Variants in EPS15L1 observed in about 807,000 individuals in gnomAD.
EPS15L1 encodes the protein epidermal growth factor receptor substrate 15-like 1.
Under a neutral mutation model 117.1 loss-of-function variants are expected in EPS15L1, and 43 were observed. The ratio of observed to expected loss-of-function variants is 0.37; its 90% CI spans 0.29 to 0.47. The LOEUF is 0.47. Ranked by LOEUF, EPS15L1 falls within the 20% of genes least tolerant of loss-of-function variation. The probability of loss-of-function intolerance (pLI) is 0.99; values close to 1 mark genes in which losing one functional copy is unlikely to be tolerated. For synonymous variants in EPS15L1, 459 were observed against 470.5 expected (o/e 0.98, Z 0.32); for missense variants, 981 against 1,164.0 (o/e 0.84, Z 2.29).
At chr19:16,464,881 C>A (rs138498967) in intron 1 of EPS15L1, among the ~76,000 whole-genome samples, 8 of 151,316 alleles carry the variant, frequency 5.3e-5, no homozygotes, top group African/African-American at 1.7e-4. Context: ...CAGATCGAGA[C>A]CATCCTGCCT....
chr19:16,367,281 GAAATT>G (rs1346357241), intron 22 of EPS15L1, among the ~76,000 whole-genome samples: 13 of 151,570 alleles, frequency 8.6e-5, no homozygotes, highest in Non-Finnish European at 1.9e-4. Flanking sequence ...AAAGACAAAT[GAAATT>G]AAAGACCCTC....
chr19:16,452,247 A>AC (rs1568463237), intron 1 of EPS15L1, among the ~76,000 whole-genome samples: 1 of 151,868 alleles, frequency 6.6e-6, no homozygotes, highest in African/African-American at 2.4e-5. Context: ...GGAGTTCTAA[A>AC]CCAGCCTGGC....
intron 13 of EPS15L1, among the ~76,000 whole-genome samples, chr19:16,406,834 T>C (rs2092661464): frequency 6.6e-6 from 1 of 152,376 alleles, no homozygotes; most frequent in South Asian, 2.1e-4. Flanking sequence ...GTGTACTGAA[T>C]GTCTGTTGTT....
At chr19:16,416,554 T>C (rs2092759783) in intron 12 of EPS15L1, among the ~76,000 whole-genome samples, 1 of 151,738 alleles carries the variant, frequency 6.6e-6, no homozygotes, top group African/African-American at 2.4e-5. Flanking sequence ...GGAAGATCAC[T>C]TGAGCCCAGG....
intron 20 of EPS15L1, among the ~76,000 whole-genome samples, 166 bp downstream of exon 20, chr19:16,386,005 G>A (rs138049908): frequency 4.4e-4 from 67 of 152,350 alleles, no homozygotes; most frequent in Middle Eastern, 3.4e-3. Context: ...GAGCAGCAGC[G>A]GGTGCTTGTT....
Position 16,361,931 on chromosome 19 carries a change from CGGG to C in EPS15L1, c.2431_2433del (p.Pro811del). ...TCAGCCCCGAGTGGCTGGAATGGAT[CGGG>C]GGCCTCGGGAAAGTCTGCGGAACCA... On this transcript the variant is annotated inframe_deletion, in exon 23 of 24. Transcript: ENST00000455140. The C allele has an allele frequency of 6.2e-7, 1 of 1,613,682 alleles. No homozygotes were observed. The highest frequency in any genetic ancestry group is 1.7e-4 in the Middle Eastern group (1 of 6,060).
intron 22 of EPS15L1, 114 bp downstream of exon 22, chr19:16,377,008 C>T: frequency 7.4e-7 from 1 of 1,358,174 alleles, no homozygotes; most frequent in East Asian, 2.4e-5. Context: ...TCTTGCTCCC[C>T]ACACAGGGTC....
At chr19:16,364,485 G>T (rs1005439324) in intron 22 of EPS15L1, among the ~76,000 whole-genome samples, 1 of 152,182 alleles carries the variant, frequency 6.6e-6, no homozygotes, top group African/African-American at 2.4e-5. Flanking sequence ...CCTCCCCGGG[G>T]CTGCAGAGAG....
intron 1 of EPS15L1, among the ~76,000 whole-genome samples, chr19:16,453,541 G>A (rs1330361888): frequency 7.2e-5 from 11 of 151,972 alleles, no homozygotes; most frequent in Admixed American, 1.3e-4. Flanking sequence ...GTGAAACCCC[G>A]TCTCCACTAA....
At chr19:16,465,973 C>A (rs907383156) in intron 1 of EPS15L1, among the ~76,000 whole-genome samples, 16 of 151,544 alleles carry the variant, frequency 1.1e-4, no homozygotes, top group African/African-American at 3.9e-4. Flanking sequence ...CAATCTCTGG[C>A]CTCACTTTAT....
At chr19:16,453,962 A>G (rs1336558496) in intron 1 of EPS15L1, among the ~76,000 whole-genome samples, 1 of 151,892 alleles carries the variant, frequency 6.6e-6, no homozygotes, top group African/African-American at 2.4e-5. Context: ...GTCAGGTTTA[A>G]GTGTGACAAA....
chr19:16,399,535 GC>G (rs1408224856), intron 16 of EPS15L1, among the ~76,000 whole-genome samples: 1 of 152,220 alleles, frequency 6.6e-6, no homozygotes, highest in East Asian at 1.9e-4. Context: ...GTGCTGGGCA[GC>G]AGGGGTGTGC....
rs2092219034 is a variant in EPS15L1, at chr19:16,371,162, G to A, written c.2380+5960C>T. On this transcript the variant is annotated intron_variant, in intron 22 of 23. Coordinates refer to ENST00000455140, the MANE Select transcript of EPS15L1 (RefSeq NM_001258374.3). This position sits in a 1 kb window ranked among gnomAD's most constrained non-coding sequence, Gnocchi z 4.7. Reference sequence around the variant, plus strand: ...CAACAAAAGGTTTTGGGACCCACATGGGCACATGATGGGGAGAGGTCACTG... The same window carrying A: ...CAACAAAAGGTTTTGGGACCCACATAGGCACATGATGGGGAGAGGTCACTG... 6.6e-6 allele frequency among the ~76,000 whole-genome samples: 1 copy of A among 152,044 alleles called. No individual in the cohort carries two copies. Among genetic ancestry groups the A allele is most frequent in the Admixed American group, 6.6e-5 (1 of 15,248 alleles).
intron 20 of EPS15L1, 38 bp downstream of exon 20, chr19:16,386,133 A>G (rs2092418626): frequency 6.6e-7 from 1 of 1,523,710 alleles, no homozygotes; most frequent in Non-Finnish European, 9.1e-7. Flanking sequence ...CTACTGCCCA[A>G]GGAATAGTCA....
chr19:16,398,081 G>C (rs925612549), intron 16 of EPS15L1, among the ~76,000 whole-genome samples: 6 of 152,182 alleles, frequency 3.9e-5, no homozygotes, highest in African/African-American at 1.4e-4. Flanking sequence ...CCAAAAGAAA[G>C]TTTCCTAGCA....
At position 16,370,158 on chromosome 19, in the gene EPS15L1, G is replaced by A. The variant is rs8100152; in HGVS notation, c.2380+6964C>T. Among the ~76,000 whole-genome samples, 855 of 152,308 alleles carry A rather than the reference G, an allele frequency of 5.6e-3. 10 individuals carry two copies. Among genetic ancestry groups the A allele is most frequent in the African/African-American group, 0.02 (820 of 41,574 alleles). ...AAGTGAGGCGCAGAGCCCACCAGGA[G>A]CTCCCATGGTGGGGGACACTTTTGC... On this transcript the variant is annotated intron_variant, in intron 22 of 23. Transcript: ENST00000455140. The surrounding 1 kb of genome is among the most constrained non-coding windows in gnomAD (Gnocchi z 5.2).
At chr19:16,400,336 C>CAAA (rs1162302779) in intron 16 of EPS15L1, among the ~76,000 whole-genome samples, 17 of 60,702 alleles carry the variant, frequency 2.8e-4, no homozygotes, top group East Asian at 1.7e-3. Context: ...GACTCCGTCT[C>CAAA]AAAAAAAAAA....
chr19:16,372,803 G>GC (rs1194290832), intron 22 of EPS15L1, among the ~76,000 whole-genome samples: 1 of 152,254 alleles, frequency 6.6e-6, no homozygotes. Flanking sequence ...GAAAACTGAG[G>GC]CTCAGGGAGG....
chr19:16,368,437 ACAC>A (rs2092170567), intron 22 of EPS15L1, among the ~76,000 whole-genome samples: 1 of 152,152 alleles, frequency 6.6e-6, no homozygotes, highest in Non-Finnish European at 1.5e-5. Context: ...CATTCATCCT[ACAC>A]AACAGAGGAT....
Sources: allele counts gnomAD v4.1 joint callset (sites outside exome capture counted in the v4.1 genomes callset), GRCh38; gene constraint gnomAD v4.1.1; non-coding constraint Gnocchi (gnomAD v3.1); transcripts MANE v1.5; gene names NCBI Gene and HGNC (gene_info 2026-07-23, HGNC 2026-07-21).